Variants in DISP1 observed in about 807,000 individuals in gnomAD.
DISP1 encodes the protein dispatched RND transporter family member 1, also known as protein dispatched homolog 1.
Under a neutral mutation model 37.3 loss-of-function variants are expected in DISP1, and 30 were observed. The ratio of observed to expected loss-of-function variants is 0.80; its 90% CI spans 0.60 to 1.09. The LOEUF (loss-of-function observed/expected upper bound fraction) is 1.09. Among genes scored for constraint, DISP1 ranks in the 50% least tolerant of loss-of-function variants. DISP1 has a pLI of 0.00. For synonymous variants in DISP1, 634 were observed against 690.2 expected, an observed-to-expected ratio of 0.92 and a Z score of 1.28; for missense variants, 1,598 against 1,879.5, an observed-to-expected ratio of 0.85 and a Z score of 2.77.
At chr1:222,990,302 C>T (rs932582059) in intron 4 of DISP1, among the ~76,000 whole-genome samples, 12 of 152,158 alleles carry the variant, frequency 7.9e-5, no homozygotes, top group Non-Finnish European at 1.5e-4. Flanking sequence ...TATCTCTTTA[C>T]AGGCATAGAT....
Position 222,834,293 on chromosome 1 carries a change from A to G in DISP1, c.-159+19215A>G, listed in dbSNP as rs181750545. Among the ~76,000 whole-genome samples, 36 of 152,338 alleles carry G rather than the reference A, an allele frequency of 2.4e-4. No individual in the cohort carries two copies. In the East Asian group the frequency reaches 3.9e-3, roughly 16 times the overall value. On this transcript the variant is annotated intron_variant, in intron 1 of 8. Coordinates refer to ENST00000675850, the MANE Select transcript of DISP1 (RefSeq NM_001377229.1). Reference sequence around the variant, plus strand: ...TGTCCTGTAGTTGGATAGATAAGCTAACTCTTTGTGGGCTGGTCCTTAAAA... The same window carrying G: ...TGTCCTGTAGTTGGATAGATAAGCTGACTCTTTGTGGGCTGGTCCTTAAAA...
At chr1:222,915,283 A>T (rs948716940) in intron 1 of DISP1, among the ~76,000 whole-genome samples, 1 of 152,136 alleles carries the variant, frequency 6.6e-6, no homozygotes, top group Admixed American at 6.5e-5. Context: ...TATATAGGGG[A>T]TCTGAGCTTG....
chr1:222,968,911 C>T (rs944426667), intron 3 of DISP1, among the ~76,000 whole-genome samples: 7 of 151,452 alleles, frequency 4.6e-5, no homozygotes, highest in Admixed American at 2.0e-4. Flanking sequence ...CCAGCCTGGG[C>T]GACAAGAGCA....
chr1:222,823,241 G>T (rs979081660), intron 1 of DISP1, among the ~76,000 whole-genome samples: 2 of 152,122 alleles, frequency 1.3e-5, no homozygotes, highest in African/African-American at 4.8e-5. Context: ...TATGTTTATT[G>T]CAGCACTGTT....
chr1:222,883,606 A>T (rs1670405175), intron 1 of DISP1, among the ~76,000 whole-genome samples: 1 of 152,174 alleles, frequency 6.6e-6, no homozygotes, highest in South Asian at 2.1e-4. Flanking sequence ...ACAGAGCGAG[A>T]CTCTGTCTCA....
chr1:222,942,458 T>C (rs1258354528), intron 2 of DISP1, among the ~76,000 whole-genome samples: 1 of 152,142 alleles, frequency 6.6e-6, no homozygotes, highest in African/African-American at 2.4e-5. Context: ...AGCTAAAGGA[T>C]GCTATTTGTA....
chr1:222,879,127 T>C (rs1285093456), intron 1 of DISP1, among the ~76,000 whole-genome samples: 1 of 152,198 alleles, frequency 6.6e-6, no homozygotes, highest in African/African-American at 2.4e-5. Context: ...CTTAGGACTT[T>C]TGAAGACTAT....
At chr1:222,883,496 A>G (rs1272961636) in intron 1 of DISP1, among the ~76,000 whole-genome samples, 2 of 152,238 alleles carry the variant, frequency 1.3e-5, no homozygotes, top group Non-Finnish European at 2.9e-5. Flanking sequence ...ACATGCCTGT[A>G]ATCCCAGCTA....
At chr1:222,922,339 A>T (rs1672845983) in intron 1 of DISP1, among the ~76,000 whole-genome samples, 1 of 152,156 alleles carries the variant, frequency 6.6e-6, no homozygotes, top group Admixed American at 6.6e-5. Flanking sequence ...GTAGGAGACC[A>T]TAGATAGGGT....
intron 1 of DISP1, among the ~76,000 whole-genome samples, chr1:222,903,615 A>C (rs765334219): frequency 6.6e-6 from 1 of 152,166 alleles, no homozygotes; most frequent in Non-Finnish European, 1.5e-5. Flanking sequence ...ATGAGAGGGA[A>C]AACAAAGTTC....
chr1:223,004,346 C>T lies in DISP1; in HGVS notation c.2949C>T (p.Gly983=), dbSNP rs767673852. ...ACCTCCAGGATAGCCTCTCCGATGG[C>T]ACCCTCATTGCCATGGGGCTGTCAG... ...FYDLQDSLSD[G]TLIAMGLSVA... is the part of the protein sequence containing the mutation. Residue 983 remains glycine, a synonymous_variant, in exon 9 of 9, where the codon GGC becomes GGT. Coordinates refer to ENST00000675850, the MANE Select transcript of DISP1 (RefSeq NM_001377229.1). This position sits in a 1 kb window ranked among gnomAD's most constrained non-coding sequence, Gnocchi z 4.9. 9 of 1,614,208 alleles carry T rather than the reference C, an allele frequency of 5.6e-6. No individual in the cohort carries two copies. Among genetic ancestry groups the T allele is most frequent in the East Asian group, 4.5e-5 (2 of 44,874 alleles).
intron 1 of DISP1, among the ~76,000 whole-genome samples, chr1:222,891,716 TGAG>T (rs774609737): frequency 0.11 from 17,301 of 152,128 alleles, 1,343 homozygotes; most frequent in South Asian, 0.16. Flanking sequence ...TAAAGTAGGA[TGAG>T]ACCTGGAGAG....
chr1:222,978,748 G>A (rs1677600276), intron 3 of DISP1, among the ~76,000 whole-genome samples: 1 of 152,152 alleles, frequency 6.6e-6, no homozygotes, highest in Non-Finnish European at 1.5e-5. Flanking sequence ...TGGCTAGCCA[G>A]TTTTCCCAGC....
chr1:222,828,419 CCTT>C (rs1664946706), intron 1 of DISP1, among the ~76,000 whole-genome samples: 1 of 152,180 alleles, frequency 6.6e-6, no homozygotes, highest in African/African-American at 2.4e-5. Context: ...TCCTGAACCT[CCTT>C]CTGATAAGAA....
chr1:222,933,027 C>T (rs558128090), intron 2 of DISP1, among the ~76,000 whole-genome samples: 52 of 152,040 alleles, frequency 3.4e-4, no homozygotes, highest in African/African-American at 1.2e-3. Flanking sequence ...GATGTTTCTA[C>T]AACCCTGAAA....
At position 222,831,056 on chromosome 1, in the gene DISP1, T is replaced by C. The variant is rs986070195; in HGVS notation, c.-159+15978T>C. The C allele has an allele frequency of 3.3e-5, 5 of 152,222 alleles. No individual in the cohort carries two copies. In the South Asian group the frequency reaches 1.0e-3, roughly 32 times the overall value. 9.4% of individuals were successfully genotyped at this position (152,222 alleles called of 1,614,324 possible). A position where few individuals can be genotyped will look rare whatever the true frequency, so the allele number is the denominator to read the frequency against. On this transcript the variant is annotated intron_variant, in intron 1 of 8. Transcript: ENST00000675850. ...ATTTGAATGCCTGTAATGTTTTAAA[T>C]ATATGTTTACTATTAAAATTGTTCC...
intron 8 of DISP1, among the ~76,000 whole-genome samples, chr1:223,000,708 G>A (rs1285226466): frequency 6.6e-6 from 1 of 152,080 alleles, no homozygotes; most frequent in Non-Finnish European, 1.5e-5. Flanking sequence ...CACAGGATTA[G>A]TCCCAGGAAA....
chr1:222,950,717 C>T (rs1675162042), intron 3 of DISP1, among the ~76,000 whole-genome samples: 2 of 152,200 alleles, frequency 1.3e-5, no homozygotes, highest in African/African-American at 4.8e-5. Context: ...GTTCTTTATC[C>T]TCCAGAGAGC....
intron 3 of DISP1, among the ~76,000 whole-genome samples, chr1:222,949,522 CT>C (rs897455721): frequency 6.6e-5 from 10 of 152,104 alleles, no homozygotes; most frequent in Non-Finnish European, 1.3e-4. Context: ...CATTTTAAAG[CT>C]TCAGGCTTTT....
Sources: gnomAD v4.1 joint callset for allele counts (sites outside exome capture counted in the v4.1 genomes callset) on GRCh38, gnomAD v4.1.1 for gene constraint, Gnocchi (gnomAD v3.1) non-coding constraint, MANE v1.5 for transcripts, NCBI Gene and HGNC (gene_info 2026-07-23, HGNC 2026-07-21) for gene names.